The following TECR variants were observed in gnomAD, a reference collection of about 807,000 sequenced individuals.
The protein encoded by TECR is very-long-chain enoyl-CoA reductase.
In TECR, 19 loss-of-function variants were observed where a neutral mutation model predicts 50.6. That is an observed-to-expected ratio of 0.38 (90% CI 0.26 to 0.55). TECR has a LOEUF of 0.55. TECR is among the 20% of genes least tolerant of loss of function. TECR has a pLI of 0.79. For missense variants in TECR, 313 were observed against 408.3 expected (o/e 0.77, Z 2.01); for synonymous variants, 168 against 163.5 (o/e 1.03, Z -0.21).
chr19:14,565,918 G>T lies in TECR; in HGVS notation c.*47G>T, dbSNP rs771993383. On this transcript the variant is annotated 3_prime_UTR_variant, in exon 13 of 13. Transcript: ENST00000215567. The stretch of plus-strand genomic sequence containing the variant: ...CAGCCCCTCAACCCGGTGGCATTCT[G>T]GGGGAGGAGTGGGGCCCACAGCTCT... 8.4e-6 allele frequency: 13 copies of T among 1,549,012 alleles called. No homozygotes were observed. Among genetic ancestry groups the T allele is most frequent in the African/African-American group, 8.2e-5 (6 of 73,416 alleles).
Position 14,529,745 on chromosome 19 carries a change from T to C in TECR, c.15+34T>C, listed in dbSNP as rs201963947. The C allele has an allele frequency of 1.1e-5, 18 of 1,613,944 alleles. No homozygotes were observed. In the East Asian group the frequency reaches 3.3e-4, roughly 30 times the overall value. Reference sequence around the variant, plus strand: ...CGAGAAACAGGGGCCGTGTGGCCACTGCTGACCCATTCTTTTTCCTTCTTT... The same window carrying C: ...CGAGAAACAGGGGCCGTGTGGCCACCGCTGACCCATTCTTTTTCCTTCTTT... On this transcript the variant is annotated intron_variant, in intron 1 of 12. Transcript: ENST00000215567.
At chr19:14,537,621 C>T (rs2072948383) in intron 1 of TECR, among the ~76,000 whole-genome samples, 1 of 152,166 alleles carries the variant, frequency 6.6e-6, no homozygotes, top group Non-Finnish European at 1.5e-5. Context: ...GGTCTTAACA[C>T]CTTCTTGCTG....
At chr19:14,537,944 C>T (rs1457601152) in intron 1 of TECR, among the ~76,000 whole-genome samples, 1 of 151,996 alleles carries the variant, frequency 6.6e-6, no homozygotes, top group African/African-American at 2.4e-5. Context: ...TGGGGTTTCA[C>T]CATGTTGGCC....
chr19:14,558,673 C>T (rs2073816249), intron 1 of TECR, among the ~76,000 whole-genome samples: 2 of 152,200 alleles, frequency 1.3e-5, no homozygotes, highest in African/African-American at 4.8e-5. Flanking sequence ...TGGTCTCACC[C>T]CTTGCCCGTG....
intron 1 of TECR, among the ~76,000 whole-genome samples, chr19:14,557,268 G>A (rs968519255): frequency 1.2e-4 from 18 of 151,606 alleles, no homozygotes; most frequent in Middle Eastern, 3.4e-3. Context: ...AACCTCCTGA[G>A]TAGCTGGGAT....
chr19:14,538,443 G>A (rs117879916), intron 1 of TECR, among the ~76,000 whole-genome samples: 7,077 of 152,134 alleles, frequency 0.047, 240 homozygotes, highest in Non-Finnish European at 0.065. Context: ...AGGGACCCAC[G>A]TTAGGCAGGT....
In TECR at chr19:14,565,952, C is replaced by T. The variant is rs753098739; in HGVS notation, c.*81C>T. ...GTGGGGCCCACAGCTCTCCAGCACC[C>T]GGAATAAAGCCCGCCTGCCCCAGTC... On this transcript the variant is annotated 3_prime_UTR_variant, in exon 13 of 13. Coordinates refer to ENST00000215567, the MANE Select transcript of TECR (RefSeq NM_138501.6). The T allele has an allele frequency of 8.4e-6, 13 of 1,545,768 alleles. No homozygotes were observed. In the East Asian group the frequency reaches 9.6e-5, roughly 11 times the overall value.
intron 1 of TECR, among the ~76,000 whole-genome samples, chr19:14,555,664 C>T (rs1367704887): frequency 6.6e-6 from 1 of 152,040 alleles, no homozygotes; most frequent in Non-Finnish European, 1.5e-5. Context: ...TGGTCTCGAA[C>T]TCCTGACCTC....
chr19:14,540,502 C>T (rs1459361769), intron 1 of TECR, among the ~76,000 whole-genome samples: 2 of 152,136 alleles, frequency 1.3e-5, no homozygotes, highest in Admixed American at 1.3e-4. Context: ...AAGCATTCTC[C>T]TGCCTCAGCC....
chr19:14,536,377 C>T (rs1599418428), intron 1 of TECR, among the ~76,000 whole-genome samples: 1 of 151,234 alleles, frequency 6.6e-6, no homozygotes, highest in East Asian at 2.0e-4. Context: ...TCAAGCGATT[C>T]TCCTGCCTCA....
chr19:14,547,810 C>A (rs749403259), intron 1 of TECR, among the ~76,000 whole-genome samples: 1 of 151,848 alleles, frequency 6.6e-6, no homozygotes, highest in Non-Finnish European at 1.5e-5. Flanking sequence ...CAGGTGCATA[C>A]CACCTACAGC....
At chr19:14,531,033 G>A (rs1016338491) in intron 1 of TECR, 3 of 152,052 alleles carry the variant, frequency 2.0e-5, no homozygotes, top group African/African-American at 7.2e-5. Flanking sequence ...ATACGTAGAA[G>A]GATTTTTTTT....
At chr19:14,528,578 G>T (rs1023931172), upstream of TECR, among the ~76,000 whole-genome samples, 2 of 152,110 alleles carry the variant, frequency 1.3e-5, no homozygotes, top group Non-Finnish European at 2.9e-5. Context: ...CCCCATTGGA[G>T]CCACTAGACA....
In TECR at chr19:14,563,337, C is replaced by G. The variant is rs530705728; in HGVS notation, c.118+80C>G. 7.6e-7 allele frequency: 1 copy of G among 1,324,272 alleles called. No homozygotes were observed. Among genetic ancestry groups the G allele is most frequent in the East Asian group, 2.3e-5 (1 of 42,992 alleles). The allele number at this position is 1,324,272 out of a possible 1,614,324, so 82.0% of individuals were successfully genotyped here. A position where few individuals can be genotyped will look rare whatever the true frequency, so the allele number is the denominator to read the frequency against. ...AGGGTGGGAGGGATCCCATCCTGCA[C>G]CCCTCTCCCAGGGGCCTGCAGAGAT... On this transcript the variant is annotated intron_variant, in intron 3 of 12. Transcript: ENST00000215567. This position sits in a 1 kb window ranked among gnomAD's most constrained non-coding sequence, Gnocchi z 5.3.
chr19:14,563,351 G>T lies in TECR; in HGVS notation c.118+94G>T. ...CCCATCCTGCACCCCTCTCCCAGGGGCCTGCAGAGATGCCCCAGTGTGGCC... is the reference window on the plus strand; with the variant it reads ...CCCATCCTGCACCCCTCTCCCAGGGTCCTGCAGAGATGCCCCAGTGTGGCC... On this transcript the variant is annotated intron_variant, in intron 3 of 12. Coordinates refer to ENST00000215567, the MANE Select transcript of TECR (RefSeq NM_138501.6). The surrounding 1 kb of genome is among the most constrained non-coding windows in gnomAD (Gnocchi z 5.3). 8.0e-7 allele frequency: 1 copy of T among 1,247,720 alleles called. No individual in the cohort carries two copies. Among genetic ancestry groups the T allele is most frequent in the Non-Finnish European group, 1.2e-6 (1 of 864,156 alleles). 77.3% of individuals were successfully genotyped at this position (1,247,720 alleles called of 1,614,324 possible).
chr19:14,528,892 G>A (rs906258273), upstream of TECR, among the ~76,000 whole-genome samples: 6 of 152,158 alleles, frequency 3.9e-5, no homozygotes, highest in Non-Finnish European at 8.8e-5. Context: ...TGCGTGAGCC[G>A]TCATTGCGCC....
chr19:14,550,797 C>T (rs1372438795), intron 1 of TECR, among the ~76,000 whole-genome samples: 1 of 151,922 alleles, frequency 6.6e-6, no homozygotes, highest in Non-Finnish European at 1.5e-5. Flanking sequence ...TCTCCTGTCT[C>T]AGCCTCCCCC....
chr19:14,540,289 C>T (rs1037585245), intron 1 of TECR, among the ~76,000 whole-genome samples: 46 of 151,954 alleles, frequency 3.0e-4, no homozygotes, highest in African/African-American at 9.7e-4. Context: ...AGGATGGTCT[C>T]GATCTCCTGA....
At chr19:14,565,504 T>A in intron 11 of TECR, 114 bp from the exon 12 acceptor site, 8 of 1,494,218 alleles carry the variant, frequency 5.4e-6, no homozygotes, top group Non-Finnish European at 7.2e-6. Flanking sequence ...TGGAATTGGG[T>A]TCCCATCCCT....
Sources: allele counts gnomAD v4.1 joint callset (sites outside exome capture counted in the v4.1 genomes callset), GRCh38; gene constraint gnomAD v4.1.1; non-coding constraint Gnocchi (gnomAD v3.1); transcripts MANE v1.5; gene names NCBI Gene and HGNC (gene_info 2026-07-23, HGNC 2026-07-21).